MAP2K1: variants seen among roughly 807,000 people sequenced by gnomAD.
The protein encoded by MAP2K1 is dual specificity mitogen-activated protein kinase kinase 1.
MAP2K1 carries 16 observed loss-of-function variants against 46.3 expected under a neutral mutation model. The observed-to-expected ratio is 0.35, with a 90% CI of 0.23 to 0.52. MAP2K1 has a LOEUF of 0.52. Among genes scored for constraint, MAP2K1 ranks in the 20% least tolerant of loss-of-function variants. MAP2K1 has a pLI of 0.94. For synonymous variants in MAP2K1, 183 were observed against 185.6 expected, an observed-to-expected ratio of 0.99 and a Z score of 0.11; for missense variants, 263 against 497.1, an observed-to-expected ratio of 0.53 and a Z score of 4.48.
chr15:66,452,756 T>C (rs1892067356), intron 5 of MAP2K1, among the ~76,000 whole-genome samples: 5 of 152,224 alleles, frequency 3.3e-5, no homozygotes, highest in Admixed American at 1.3e-4. Context: ...GTTTTGCTTA[T>C]AGAAAGCTCT....
chr15:66,436,961 G>A (rs2093489868), intron 3 of MAP2K1, 69 bp downstream of exon 3: 1 of 1,555,008 alleles, frequency 6.4e-7, no homozygotes, highest in South Asian at 1.1e-5. Flanking sequence ...CTAATCTTTG[G>A]TCTGGGAGGT....
chr15:66,435,792 T>C (rs547944823), intron 2 of MAP2K1, among the ~76,000 whole-genome samples: 2 of 152,200 alleles, frequency 1.3e-5, no homozygotes, highest in Non-Finnish European at 2.9e-5. Flanking sequence ...TGTTTATTAC[T>C]TATCAAGTGC....
At chr15:66,407,592 C>T (rs2140532906) in intron 1 of MAP2K1, among the ~76,000 whole-genome samples, 1 of 152,344 alleles carries the variant, frequency 6.6e-6, no homozygotes, top group South Asian at 2.1e-4. Flanking sequence ...GGTTACCACT[C>T]AGCATGCTTT....
chr15:66,459,205 T>TGAGGCAGGAGAATTGCTTGAACCC (rs1567017401), intron 5 of MAP2K1, among the ~76,000 whole-genome samples: 1 of 151,560 alleles, frequency 6.6e-6, no homozygotes. Flanking sequence ...CCCAGCTACT[T>TGAGGCAGGAGAATTGCTTGAACCC]GGGAGGCTGA....
intron 3 of MAP2K1, among the ~76,000 whole-genome samples, chr15:66,438,379 G>C (rs1428789140): frequency 6.6e-6 from 1 of 152,106 alleles, no homozygotes; most frequent in Non-Finnish European, 1.5e-5. Flanking sequence ...GAGCCACCGT[G>C]CCCAACCAAT....
At chr15:66,467,079 C>A (rs926113424) in intron 5 of MAP2K1, among the ~76,000 whole-genome samples, 13 of 151,990 alleles carry the variant, frequency 8.6e-5, no homozygotes, top group African/African-American at 2.9e-4. Context: ...TACAAAAATA[C>A]AAGAAATTAG....
chr15:66,421,077 TACACATACAC>T lies in MAP2K1; in HGVS notation c.81-13934_81-13925del, dbSNP rs754939015. ...GTACACACATACACACACACATATA[TACACATACAC>T]ACACATACACACACACACACACACA... On this transcript the variant is annotated intron_variant, in intron 1 of 10. Coordinates refer to ENST00000307102, the MANE Select transcript of MAP2K1 (RefSeq NM_002755.4). Among the ~76,000 whole-genome samples the T allele has an allele frequency of 3.5e-3, 393 of 113,268 alleles. 2 individuals are homozygous for T. Among genetic ancestry groups the T allele is most frequent in the Non-Finnish European group, 4.3e-3 (257 of 59,216 alleles). 74.3% of individuals were successfully genotyped at this position (113,268 alleles called of 152,430 possible).
rs1252003697 is a variant in MAP2K1, at chr15:66,420,759, G to GTGTGTGTGTGTGTGTGTGTGTATA, written c.81-14267_81-14266insGTGTGTGTGTGTGTGTGTGTATAT. Reference sequence around the variant, plus strand: ...TGTGTGTGTGTGTGTGTGTGTGTGTGTATGTGTGTATATATATGTGTATAT... The same window carrying GTGTGTGTGTGTGTGTGTGTGTATA: ...TGTGTGTGTGTGTGTGTGTGTGTGTGTGTGTGTGTGTGTGTGTGTGTATATATGTGTGTATATATATGTGTATAT... On this transcript the variant is annotated intron_variant, in intron 1 of 10. Coordinates refer to ENST00000307102, the MANE Select transcript of MAP2K1 (RefSeq NM_002755.4). Among the ~76,000 whole-genome samples, 6 of 40,080 alleles carry GTGTGTGTGTGTGTGTGTGTGTATA rather than the reference G, an allele frequency of 1.5e-4. 3 individuals carry two copies. The highest frequency in any genetic ancestry group is 5.8e-4 in the African/African-American group (6 of 10,378). The allele number at this position is 40,080 out of a possible 152,430, so 26.3% of individuals were successfully genotyped here.
chr15:66,430,710 C>T (rs2093473126), intron 1 of MAP2K1, among the ~76,000 whole-genome samples: 1 of 152,120 alleles, frequency 6.6e-6, no homozygotes, highest in African/African-American at 2.4e-5. Context: ...TTCAAGGTCC[C>T]TCCCTGAGAT....
chr15:66,468,996 G>A (rs1451125098), intron 5 of MAP2K1, among the ~76,000 whole-genome samples: 1 of 141,946 alleles, frequency 7.0e-6, no homozygotes, highest in African/African-American at 2.6e-5. Context: ...AGTGGCTCAT[G>A]CCTGTAACCT....
At chr15:66,401,918 G>C (rs1482938490) in intron 1 of MAP2K1, 14 of 1,231,112 alleles carry the variant, frequency 1.1e-5, no homozygotes, top group Non-Finnish European at 1.5e-5. Context: ...GGGTGCATCG[G>C]TTCGGGTCGA....
At position 66,423,983 on chromosome 15, in the gene MAP2K1, C is replaced by T. The variant is rs182588700; in HGVS notation, c.81-11044C>T. ...AGCCAGGCTGGTCTGGAACTCCTGA[C>T]CTCAGGTGATCCACCTGCCTTGGCC... On this transcript the variant is annotated intron_variant, in intron 1 of 10. Transcript: ENST00000307102. Among the ~76,000 whole-genome samples, 1,364 of 152,166 alleles carry T rather than the reference C, an allele frequency of 9.0e-3. 8 individuals are homozygous for T. The highest frequency in any genetic ancestry group is 0.027 in the Middle Eastern group (8 of 294).
chr15:66,471,008 G>A (rs1892620351), intron 5 of MAP2K1, among the ~76,000 whole-genome samples: 1 of 152,198 alleles, frequency 6.6e-6, no homozygotes, highest in African/African-American at 2.4e-5. Flanking sequence ...GTAGGTGAGA[G>A]ACAAACACTT....
chr15:66,422,585 G>A (rs748133114), intron 1 of MAP2K1, among the ~76,000 whole-genome samples: 3 of 152,006 alleles, frequency 2.0e-5, no homozygotes, highest in East Asian at 1.9e-4. Flanking sequence ...TACCTATGAC[G>A]GGAAAAAAAT....
chr15:66,408,676 G>A (rs1465092718), intron 1 of MAP2K1, among the ~76,000 whole-genome samples: 1 of 152,098 alleles, frequency 6.6e-6, no homozygotes, highest in African/African-American at 2.4e-5. Context: ...GTGGGGATCA[G>A]CGCATGGTTC....
chr15:66,436,198 G>A lies in MAP2K1; in HGVS notation c.292-548G>A, dbSNP rs867009659. On this transcript the variant is annotated intron_variant, in intron 2 of 10. Transcript: ENST00000307102. Reference sequence around the variant, plus strand: ...ACTGCATCCATGTTCTCTGACACTCGCTGTCTGTGGGATTTTTTTAGAAGT... The same window carrying A: ...ACTGCATCCATGTTCTCTGACACTCACTGTCTGTGGGATTTTTTTAGAAGT... Among the ~76,000 whole-genome samples the A allele has an allele frequency of 3.3e-5, 5 of 152,114 alleles. No individual in the cohort carries two copies. In the South Asian group the frequency reaches 6.2e-4, roughly 19 times the overall value.
At chr15:66,412,477 A>G (rs2093413757) in intron 1 of MAP2K1, among the ~76,000 whole-genome samples, 1 of 152,212 alleles carries the variant, frequency 6.6e-6, no homozygotes, top group South Asian at 2.1e-4. Context: ...CAAGGAAGCC[A>G]GTATCTCCTG....
intron 1 of MAP2K1, among the ~76,000 whole-genome samples, chr15:66,411,350 G>A (rs1215809255): frequency 1.3e-5 from 2 of 152,152 alleles, no homozygotes; most frequent in East Asian, 3.8e-4. Context: ...GCTCCTCTCA[G>A]AATAGCCCAG....
At chr15:66,407,771 G>A (rs2093401249) in intron 1 of MAP2K1, among the ~76,000 whole-genome samples, 1 of 152,214 alleles carries the variant, frequency 6.6e-6, no homozygotes, top group African/African-American at 2.4e-5. Flanking sequence ...GAGCCCAGAA[G>A]GTTGAGGCTG....
Sources: allele counts gnomAD v4.1 joint callset (sites outside exome capture counted in the v4.1 genomes callset), GRCh38; gene constraint gnomAD v4.1.1; transcripts MANE v1.5; gene names NCBI Gene and HGNC (gene_info 2026-07-23, HGNC 2026-07-21).